ASIP: variants seen among roughly 807,000 people sequenced by gnomAD.
The protein encoded by ASIP is agouti signaling protein.
Under a neutral mutation model 10.3 loss-of-function variants are expected in ASIP, and 11 were observed. The observed-to-expected ratio is 1.07, with a 90% CI of 0.68 to 1.78. The LOEUF (loss-of-function observed/expected upper bound fraction) is 1.78. Ranked by LOEUF, ASIP falls within the 40% of genes most tolerant of loss-of-function variation. The probability of loss-of-function intolerance (pLI) is 0.00; values close to 1 mark genes in which losing one functional copy is unlikely to be tolerated. For missense variants in ASIP, 180 were observed against 169.2 expected, an observed-to-expected ratio of 1.06 and a Z score of -0.35; for synonymous variants, 70 against 70.8, an observed-to-expected ratio of 0.99 and a Z score of 0.06.
At chr20:34,189,680 C>T (rs151147859), upstream of ASIP, among the ~76,000 whole-genome samples, 328 of 152,306 alleles carry the variant, frequency 2.2e-3, no homozygotes, top group Non-Finnish European at 3.7e-3. Flanking sequence ...GGAGGAAGTA[C>T]GTTCAGAGTA....
intron 1 of ASIP, among the ~76,000 whole-genome samples, chr20:34,255,958 G>T (rs907022998): frequency 6.6e-6 from 1 of 151,928 alleles, no homozygotes; most frequent in Non-Finnish European, 1.5e-5. Context: ...CCTGACATCA[G>T]TCAGGCCCAC....
intron 1 of ASIP, among the ~76,000 whole-genome samples, chr20:34,219,860 C>T (rs1399456623): frequency 6.6e-6 from 1 of 152,098 alleles, no homozygotes; most frequent in Non-Finnish European, 1.5e-5. Flanking sequence ...GAGGCCGAGG[C>T]AGGCGGATCA....
At chr20:34,259,354 A>T (rs1208913143) in intron 1 of ASIP, among the ~76,000 whole-genome samples, 1 of 151,938 alleles carries the variant, frequency 6.6e-6, no homozygotes, top group Non-Finnish European at 1.5e-5. Flanking sequence ...CTTTACTAAA[A>T]ATACAAAAAT....
intron 1 of ASIP, among the ~76,000 whole-genome samples, chr20:34,200,109 G>T (rs2034883079): frequency 6.6e-6 from 1 of 152,070 alleles, no homozygotes; most frequent in Non-Finnish European, 1.5e-5. Flanking sequence ...TTTTCATTTG[G>T]ATCACATTTA....
intron 1 of ASIP, among the ~76,000 whole-genome samples, chr20:34,225,356 GA>G (rs1190034834): frequency 2.3e-4 from 35 of 150,322 alleles, no homozygotes; most frequent in Non-Finnish European, 4.4e-4. Context: ...TTGTTATATA[GA>G]AAATTCTTAT....
intron 1 of ASIP, among the ~76,000 whole-genome samples, chr20:34,201,904 G>T (rs892180858): frequency 6.6e-6 from 1 of 152,082 alleles, no homozygotes; most frequent in African/African-American, 2.4e-5. Flanking sequence ...TAAAAATTTT[G>T]ACTTAGAACA....
intron 1 of ASIP, chr20:34,215,089 C>T (rs1444076647): frequency 1.4e-5 from 22 of 1,565,016 alleles, no homozygotes; most frequent in Non-Finnish European, 1.8e-5. Context: ...TAATACTTGA[C>T]ACAAAGATTC....
intron 1 of ASIP, among the ~76,000 whole-genome samples, chr20:34,245,002 C>CATAA (rs902069281): frequency 6.6e-6 from 1 of 152,084 alleles, no homozygotes; most frequent in African/African-American, 2.4e-5. Flanking sequence ...AAATGCTCCA[C>CATAA]ATAAAAAGTC....
intron 1 of ASIP, among the ~76,000 whole-genome samples, chr20:34,235,870 G>GAAGGAAGGA (rs2035188260): frequency 3.5e-5 from 1 of 28,952 alleles, no homozygotes; most frequent in Non-Finnish European, 6.0e-5. Context: ...GGAAGGAAAG[G>GAAGGAAGGA]AAGGAAGGAA....
chr20:34,255,717 C>T (rs1244326932), intron 1 of ASIP, among the ~76,000 whole-genome samples: 1 of 152,174 alleles, frequency 6.6e-6, no homozygotes, highest in Non-Finnish European at 1.5e-5. Context: ...AGCAAGTGAC[C>T]AGAAGACAAG....
At chr20:34,259,698 C>T (rs946956558) in intron 1 of ASIP, among the ~76,000 whole-genome samples, 6 of 151,434 alleles carry the variant, frequency 4.0e-5, no homozygotes, top group African/African-American at 4.9e-5. Flanking sequence ...TGCAGTGAGC[C>T]GAGATTATGC....
intron 1 of ASIP, among the ~76,000 whole-genome samples, chr20:34,245,166 G>A (rs538187163): frequency 2.6e-5 from 4 of 151,192 alleles, no homozygotes; most frequent in Admixed American, 6.6e-5. Context: ...AAACCCCGTC[G>A]CTACTAAAAA....
At chr20:34,188,299 T>C in the ASIP span, among the ~76,000 whole-genome samples, 3 of 152,254 alleles carry the variant, frequency 2.0e-5, no homozygotes, top group African/African-American at 7.2e-5. Context: ...TCAGCCCTTT[T>C]GTCTCCGAAA....
rs575469286 is a variant in ASIP, at chr20:34,259,083, G to C, written c.-10-1282G>C. Among the ~76,000 whole-genome samples the C allele has an allele frequency of 6.0e-5, 9 of 151,140 alleles. No individual in the cohort carries two copies. In the East Asian group the frequency reaches 1.8e-3, roughly 29 times the overall value. On this transcript the variant is annotated intron_variant, in intron 1 of 3. Transcript: ENST00000374954. ...AAATTAGCCAGGTGTGTTTGCACATGCCTGTAGTGCCAGCTACTCAGGAGG... is the reference window on the plus strand; with the variant it reads ...AAATTAGCCAGGTGTGTTTGCACATCCCTGTAGTGCCAGCTACTCAGGAGG...
At chr20:34,268,446 G>A (rs1032086912) in intron 3 of ASIP, among the ~76,000 whole-genome samples, 2 of 152,132 alleles carry the variant, frequency 1.3e-5, no homozygotes, top group Admixed American at 6.6e-5. Context: ...GGCCGGGCGC[G>A]GTGGCTCACG....
At chr20:34,247,094 G>A (rs1159307346) in intron 1 of ASIP, among the ~76,000 whole-genome samples, 1 of 151,978 alleles carries the variant, frequency 6.6e-6, no homozygotes, top group African/African-American at 2.4e-5. Flanking sequence ...CCAGGCTTAG[G>A]TGATCCACCT....
intron 1 of ASIP, among the ~76,000 whole-genome samples, chr20:34,223,402 G>A (rs1368210029): frequency 3.3e-5 from 5 of 150,454 alleles, no homozygotes; most frequent in East Asian, 2.0e-4. Context: ...CAACCGCCCC[G>A]TCTGAGAAGT....
chr20:34,192,523 T>TA (rs1427862002), upstream of ASIP, among the ~76,000 whole-genome samples: 1 of 148,074 alleles, frequency 6.8e-6, no homozygotes, highest in Non-Finnish European at 1.5e-5. Flanking sequence ...TTCTTCTTCT[T>TA]TTTTTTTTTT....
intron 1 of ASIP, chr20:34,234,857 T>C (rs1247409647): frequency 2.0e-5 from 3 of 152,198 alleles, no homozygotes; most frequent in Non-Finnish European, 4.4e-5. Context: ...TAAAACAGTA[T>C]GTCATGTTAT....
Sources: allele counts gnomAD v4.1 joint callset (sites outside exome capture counted in the v4.1 genomes callset), GRCh38; gene constraint gnomAD v4.1.1; transcripts MANE v1.5; gene names NCBI Gene and HGNC (gene_info 2026-07-23, HGNC 2026-07-21).